CREG2: variants seen among roughly 807,000 people sequenced by gnomAD.
CREG2 encodes protein CREG2.
A neutral mutation model predicts 26.2 loss-of-function variants in CREG2; 24 were observed. The observed-to-expected ratio is 0.92, with a 90% CI of 0.66 to 1.29. The LOEUF is 1.29. Ranked by LOEUF, CREG2 falls within the 50% of genes most tolerant of loss-of-function variation. CREG2 has a pLI of 0.00. For synonymous variants in CREG2, 174 were observed against 169.2 expected (o/e 1.03, Z -0.22); for missense variants, 366 against 398.6 (o/e 0.92, Z 0.70).
intron 2 of CREG2, chr2:101,382,853 T>C: frequency 1.0e-6 from 1 of 985,454 alleles, no homozygotes; most frequent in Non-Finnish European, 1.2e-6. Flanking sequence ...ATCCTGGGCA[T>C]TTGCTGCTCC....
At chr2:101,351,708 T>C (rs962443477) in intron 3 of CREG2, among the ~76,000 whole-genome samples, 6 of 152,096 alleles carry the variant, frequency 3.9e-5, no homozygotes, top group Non-Finnish European at 4.4e-5. Context: ...TGCATACCCC[T>C]AAACACGCTG....
intron 2 of CREG2, among the ~76,000 whole-genome samples, chr2:101,377,379 C>T (rs530962327): frequency 3.9e-4 from 59 of 152,244 alleles, no homozygotes; most frequent in African/African-American, 1.3e-3. Flanking sequence ...ACCCCACAGA[C>T]GAGTCCTCCC....
rs771917950 is a variant in CREG2, at chr2:101,383,601, C to G, written c.543G>C (p.Val181=). ...TGGGGTTCTTCATCAGATCAGCCAC[C>G]ACGGGGTCCTTGGCTGTCATGTAGA... ...PFFYMTAKDP[V]VADLMKNPMA... is the part of the protein sequence containing the mutation. Residue 181 remains valine (V), a synonymous_variant, in exon 2 of 4, where the codon GTG becomes GTC. Coordinates refer to ENST00000324768, the MANE Select transcript of CREG2 (RefSeq NM_153836.4). 1 of 1,614,182 alleles carries G rather than the reference C, an allele frequency of 6.2e-7. No homozygotes were observed. Among genetic ancestry groups the G allele is most frequent in the Non-Finnish European group, 8.5e-7 (1 of 1,180,030 alleles).
At chr2:101,382,584 G>C in intron 2 of CREG2, 1 of 985,402 alleles carries the variant, frequency 1.0e-6, no homozygotes, top group South Asian at 4.7e-5. Context: ...TGGGGAACAG[G>C]GTCAGCTGAA....
chr2:101,387,343 A>G lies in CREG2; in HGVS notation c.115T>C (p.Ser39Pro). 6.9e-7 allele frequency: 1 copy of G among 1,451,470 alleles called. No individual in the cohort carries two copies. The highest frequency in any genetic ancestry group is 9.2e-7 in the Non-Finnish European group (1 of 1,089,466). 89.9% of individuals were successfully genotyped at this position (1,451,470 alleles called of 1,614,324 possible). A position where few individuals can be genotyped will look rare whatever the true frequency, so the allele number is the denominator to read the frequency against. The change falls in exon 1 of 4, where the codon TCT becomes CCT. Residue 39 changes from serine to proline, a missense_variant. By Grantham distance (74) the Ser-to-Pro change is moderately conservative (BLOSUM62 -1). Around this residue, in one of 3 missense-constraint regions of CREG2, gnomAD observed 177 missense variants for 183.3 expected, o/e 0.97. Transcript: ENST00000324768. This position sits in a 1 kb window ranked among gnomAD's most constrained non-coding sequence, Gnocchi z 4.7. ...AAGYVIVSSVSWAVTNEVDEE... is the reference protein window; with the variant it reads ...AAGYVIVSSVPWAVTNEVDEE... ...TCCACCTCGTTGGTGACGGCCCAAGACACGGAGCTCACGATCACGTAGCCC... is the reference window on the plus strand; with the variant it reads ...TCCACCTCGTTGGTGACGGCCCAAGGCACGGAGCTCACGATCACGTAGCCC...
intron 2 of CREG2, among the ~76,000 whole-genome samples, chr2:101,367,242 G>A (rs1352990090): frequency 6.6e-6 from 1 of 152,158 alleles, no homozygotes; most frequent in African/African-American, 2.4e-5. Flanking sequence ...TCCTGGACAG[G>A]AGAGCAACAG....
intron 2 of CREG2, chr2:101,382,047 G>A (rs1395646978): frequency 6.6e-6 from 1 of 152,270 alleles, no homozygotes. Flanking sequence ...TTTGTCCCAA[G>A]TATATATTCT....
intron 2 of CREG2, chr2:101,382,490 C>T (rs1313055820): frequency 1.0e-6 from 1 of 980,800 alleles, no homozygotes; most frequent in Non-Finnish European, 1.2e-6. Flanking sequence ...CTTCTAGTAA[C>T]AGTAAGCTTG....
chr2:101,380,974 T>G (rs1045382577), intron 2 of CREG2, among the ~76,000 whole-genome samples: 1 of 151,858 alleles, frequency 6.6e-6, no homozygotes, highest in Non-Finnish European at 1.5e-5. Flanking sequence ...AGTTTTCCAG[T>G]GCACAGGCTG....
chr2:101,374,006 T>A (rs1684751220), intron 2 of CREG2, among the ~76,000 whole-genome samples: 1 of 152,210 alleles, frequency 6.6e-6, no homozygotes, highest in Admixed American at 6.5e-5. Flanking sequence ...GCTAGGACTA[T>A]AGGCGTGCAC....
At chr2:101,368,986 G>C (rs1347720203) in intron 2 of CREG2, among the ~76,000 whole-genome samples, 2 of 152,214 alleles carry the variant, frequency 1.3e-5, no homozygotes, top group Non-Finnish European at 2.9e-5. Flanking sequence ...CTGGGACCAG[G>C]ATAAAGACAA....
chr2:101,387,056 G>A lies in CREG2; in HGVS notation c.402C>T (p.Ser134=), dbSNP rs1266921033. Residue 134 remains serine (S), a synonymous_variant, in exon 1 of 4, where the codon AGC becomes AGT. Transcript: ENST00000324768. This position sits in a 1 kb window ranked among gnomAD's most constrained non-coding sequence, Gnocchi z 4.7. ...AATARSLAHA[S]VWGCLATVST... ...ACACGGTGGCCAGGCAGCCCCAGAC[G>A]CTGGCATGGGCCAGGGAGCGGGCGG... 6 of 1,232,694 alleles carry A rather than the reference G, an allele frequency of 4.9e-6. No homozygotes were observed. The African/African-American group carries it at 9.3e-5, about 19-fold the overall frequency. 76.4% of individuals were successfully genotyped at this position (1,232,694 alleles called of 1,614,324 possible).
intron 2 of CREG2, among the ~76,000 whole-genome samples, chr2:101,374,262 C>T (rs776715712): frequency 2.0e-5 from 3 of 152,172 alleles, no homozygotes; most frequent in East Asian, 3.9e-4. Context: ...CCTGTAGTCC[C>T]GTCCAACGGG....
intron 2 of CREG2, chr2:101,382,918 C>T (rs1684900317): frequency 2.0e-6 from 2 of 985,642 alleles, no homozygotes; most frequent in Admixed American, 6.1e-5. Flanking sequence ...TCCATGCAGA[C>T]ATTTCCCGGG....
intron 2 of CREG2, among the ~76,000 whole-genome samples, chr2:101,356,058 GA>G (rs1208812322): frequency 1.3e-5 from 2 of 152,152 alleles, no homozygotes; most frequent in African/African-American, 4.8e-5. Flanking sequence ...GCTCTCAGCA[GA>G]AGAGCTGAAA....
chr2:101,366,778 C>T (rs994779606), intron 2 of CREG2, among the ~76,000 whole-genome samples: 1 of 152,028 alleles, frequency 6.6e-6, no homozygotes, highest in Non-Finnish European at 1.5e-5. Context: ...GCCGAGATCG[C>T]GCCACTGCAT....
At chr2:101,371,589 T>TG (rs1238217218) in intron 2 of CREG2, among the ~76,000 whole-genome samples, 1 of 152,208 alleles carries the variant, frequency 6.6e-6, no homozygotes, top group African/African-American at 2.4e-5. Flanking sequence ...CAGGAGTGGA[T>TG]GGCCAGGGCC....
At chr2:101,379,932 G>A (rs780692432) in intron 2 of CREG2, among the ~76,000 whole-genome samples, 8 of 152,010 alleles carry the variant, frequency 5.3e-5, no homozygotes, top group East Asian at 1.9e-4. Context: ...TGTAATATTC[G>A]CTCTTTTGAA....
At chr2:101,354,868 G>A (rs1223864111) in intron 3 of CREG2, among the ~76,000 whole-genome samples, 2 of 152,078 alleles carry the variant, frequency 1.3e-5, no homozygotes, top group African/African-American at 4.8e-5. Context: ...GCCTACTGAT[G>A]TAAGAGCGAG....
Sources: allele counts gnomAD v4.1 joint callset (sites outside exome capture counted in the v4.1 genomes callset), GRCh38; gene constraint gnomAD v4.1.1; regional missense constraint gnomAD v4.1.1; non-coding constraint Gnocchi (gnomAD v3.1); transcripts MANE v1.5; gene names NCBI Gene and HGNC (gene_info 2026-07-23, HGNC 2026-07-21).